Variants in CREBBP observed in about 807,000 individuals in gnomAD.
CREBBP encodes the protein CREB-binding protein.
Under a neutral mutation model 265.0 loss-of-function variants are expected in CREBBP, and 19 were observed. The ratio of observed to expected loss-of-function variants is 0.07; its 90% CI spans 0.05 to 0.11. The LOEUF (loss-of-function observed/expected upper bound fraction) is 0.11, where lower values mean the gene tolerates loss of function less well. Among genes scored for constraint, CREBBP ranks in the 10% least tolerant of loss-of-function variants. The pLI, the probability that CREBBP is intolerant of heterozygous loss-of-function variation, is 1.00. For missense variants in CREBBP, 2,525 were observed against 3,219.0 expected, an observed-to-expected ratio of 0.78 and a Z score of 5.22; for synonymous variants, 1,457 against 1,223.7, an observed-to-expected ratio of 1.19 and a Z score of -3.98.
rs184749085 is a variant in CREBBP at position 3,794,620 on chromosome 16, T to G, written c.976-994A>C. Among the ~76,000 whole-genome samples the G allele has an allele frequency of 4.7e-3, 717 of 152,342 alleles. 5 individuals carry two copies. Among genetic ancestry groups the G allele is most frequent in the Non-Finnish European group, 8.5e-3 (580 of 68,028 alleles). On this transcript the variant is annotated intron_variant, in intron 3 of 30. Transcript: ENST00000262367. ...ATTTCCACTCAGACAGCTGACAATT[T>G]TTAAAGATTTGGTGATCTGCTAAAA... is the stretch of plus-strand genomic sequence containing the variant.
In CREBBP at chr16:3,781,184, G is replaced by C. The variant is rs1567308246; in HGVS notation, c.1676+20C>G. ...CATGCTCCTGTTGGACTGTCACTCA[G>C]ATCTGAAACAGGGTCTTACTTTGTG... On this transcript the variant is annotated intron_variant, in intron 7 of 30. Coordinates refer to ENST00000262367, the MANE Select transcript of CREBBP (RefSeq NM_004380.3). 6.3e-7 allele frequency: 1 copy of C among 1,599,424 alleles called. No homozygotes were observed. Among genetic ancestry groups the C allele is most frequent in the Non-Finnish European group, 8.6e-7 (1 of 1,166,878 alleles).
chr16:3,834,977 T>A (rs914763599), intron 2 of CREBBP, among the ~76,000 whole-genome samples: 1 of 151,820 alleles, frequency 6.6e-6, no homozygotes, highest in African/African-American at 2.4e-5. Flanking sequence ...GCTAACACGG[T>A]GAAACCCCGT....
chr16:3,782,629 T>C (rs1261610282), intron 6 of CREBBP, 55 bp downstream of exon 6: 24 of 1,606,434 alleles, frequency 1.5e-5, no homozygotes, highest in Middle Eastern at 1.9e-4. Flanking sequence ...CATCACTCCA[T>C]TCCCTTTGCT....
Position 3,758,051 on chromosome 16 carries a change from TAAA to T in CREBBP, c.3370-6_3370-4del, listed in dbSNP as rs75459669. 5.5e-6 allele frequency: 8 copies of T among 1,445,170 alleles called. No homozygotes were observed. The highest frequency in any genetic ancestry group is 2.4e-5 in the East Asian group (1 of 42,532). The allele number at this position is 1,445,170 out of a possible 1,614,324, so 89.5% of individuals were successfully genotyped here. Reference sequence around the variant, plus strand: ...TTCTTTACGATGTCAAAATAGTCCTTAAAAAAAAAAAAATGGTCTCAGTATAGG... The same window carrying T: ...TTCTTTACGATGTCAAAATAGTCCTTAAAAAAAAAATGGTCTCAGTATAGG... On this transcript the variant is annotated splice_region_variant and splice_polypyrimidine_tract_variant and intron_variant, in intron 17 of 30. Coordinates refer to ENST00000262367, the MANE Select transcript of CREBBP (RefSeq NM_004380.3).
chr16:3,734,890 C>A (rs757747423), intron 28 of CREBBP, among the ~76,000 whole-genome samples: 1 of 152,172 alleles, frequency 6.6e-6, no homozygotes, highest in African/African-American at 2.4e-5. Context: ...GGCAGTATGT[C>A]CCCAGCCGGC....
At chr16:3,838,670 G>A (rs1444999270) in intron 2 of CREBBP, among the ~76,000 whole-genome samples, 1 of 152,142 alleles carries the variant, frequency 6.6e-6, no homozygotes, top group Admixed American at 6.5e-5. Context: ...TTACAGGCAA[G>A]ATTTTCTTTT....
chr16:3,849,422 T>TGTGTGTGTG (rs2054745707), intron 2 of CREBBP, among the ~76,000 whole-genome samples: 1 of 7,096 alleles, frequency 1.4e-4, no homozygotes, highest in Admixed American at 2.6e-3. Flanking sequence ...TGTGTGTGTG[T>TGTGTGTGTG]GTGTGTGTGT....
At position 3,850,700 on chromosome 16, in the gene CREBBP, C is replaced by G. The variant is rs983063124; in HGVS notation, c.395G>C (p.Ser132Thr). The stretch of plus-strand genomic sequence containing the variant: ...GGTGCTGGCTGCCTGTTTAGGCAGG[C>G]TGGGGGCTGAAGAATCTCCCTGGCT... ...PLSQGDSSAP[S>T]LPKQAASTSG... Residue 132 changes from serine (S) to threonine (T), a missense_variant, in exon 2 of 31, where the codon AGC becomes ACC. By Grantham distance (58) the Ser-to-Thr change is moderately conservative (BLOSUM62 1). Transcript: ENST00000262367. The G allele has an allele frequency of 1.2e-6, 2 of 1,614,096 alleles. No individual in the cohort carries two copies. The highest frequency in any genetic ancestry group is 1.3e-5 in the African/African-American group (1 of 75,064).
intron 1 of CREBBP, among the ~76,000 whole-genome samples, chr16:3,875,200 GCGACTTTCCAT>G (rs2055374374): frequency 6.6e-6 from 1 of 152,202 alleles, no homozygotes; most frequent in African/African-American, 2.4e-5. Flanking sequence ...TCAGCCAGGA[GCGACTTTCCAT>G]CTTCTGAAGG....
intron 2 of CREBBP, among the ~76,000 whole-genome samples, chr16:3,836,449 AG>A (rs2054454172): frequency 6.7e-6 from 1 of 150,126 alleles, no homozygotes; most frequent in Non-Finnish European, 1.5e-5. Context: ...AAAAAAAAAA[AG>A]AAAAAAAAGA....
chr16:3,767,063 G>A (rs1041540065), intron 16 of CREBBP, among the ~76,000 whole-genome samples: 3 of 152,062 alleles, frequency 2.0e-5, no homozygotes, highest in Admixed American at 1.3e-4. Flanking sequence ...CCATTTCTAA[G>A]GTTCACTTGA....
chr16:3,879,194 G>C (rs1257520082), intron 1 of CREBBP, among the ~76,000 whole-genome samples: 1 of 151,534 alleles, frequency 6.6e-6, no homozygotes, highest in East Asian at 1.9e-4. Context: ...TTTGGGTTTT[G>C]AAAAATGGAA....
chr16:3,877,611 C>T (rs1172700642), intron 1 of CREBBP, among the ~76,000 whole-genome samples: 3 of 152,220 alleles, frequency 2.0e-5, no homozygotes, highest in African/African-American at 7.2e-5. Context: ...CCCATGTTGG[C>T]CAGGCTGGTC....
chr16:3,760,877 A>T (rs574955758), intron 16 of CREBBP, among the ~76,000 whole-genome samples: 1 of 152,226 alleles, frequency 6.6e-6, no homozygotes, highest in South Asian at 2.1e-4. Flanking sequence ...GCCTCAAGTG[A>T]TTCTCCTGCC....
In CREBBP at chr16:3,727,685, A is replaced by G; in HGVS notation, c.*33T>C. The G allele has an allele frequency of 6.2e-7, 1 of 1,613,108 alleles. No individual in the cohort carries two copies. Among genetic ancestry groups the G allele is most frequent in the South Asian group, 1.1e-5 (1 of 91,042 alleles). On this transcript the variant is annotated 3_prime_UTR_variant, in exon 31 of 31. Coordinates refer to ENST00000262367, the MANE Select transcript of CREBBP (RefSeq NM_004380.3). The stretch of plus-strand genomic sequence containing the variant: ...GATTTTCAGTACAAAAGGTCCAAGA[A>G]CATGAAAGGGAAAAGGTGATGCTCT...
Position 3,728,993 on chromosome 16 carries a change from G to A in CREBBP, c.6054C>T (p.Pro2018=), listed in dbSNP as rs768626011. 23 of 1,594,890 alleles carry A rather than the reference G, an allele frequency of 1.4e-5. No individual in the cohort carries two copies. The highest frequency in any genetic ancestry group is 5.1e-5 in the Admixed American group (3 of 58,636). Residue 2018 remains proline (P), a synonymous_variant, in exon 31 of 31, where the codon CCC becomes CCT. Transcript: ENST00000262367. The surrounding 1 kb of genome is among the most constrained non-coding windows in gnomAD (Gnocchi z 8.7). ...GAAGGGGCGCCTGCTGCCACTGCCC[G>A]GGAGGCATGCTGGGCATGACGGGCC... ...VSGPVMPSMP[P]GQWQQAPLPQ...
intron 3 of CREBBP, among the ~76,000 whole-genome samples, chr16:3,794,759 A>G (rs1037147285): frequency 3.3e-5 from 5 of 152,344 alleles, no homozygotes; most frequent in African/African-American, 9.6e-5. Context: ...TTTACAAACT[A>G]TAAGCATTCT....
At chr16:3,870,528 A>G (rs1297472053) in intron 1 of CREBBP, among the ~76,000 whole-genome samples, 1 of 152,226 alleles carries the variant, frequency 6.6e-6, no homozygotes, top group African/African-American at 2.4e-5. Flanking sequence ...CCAATAAAAA[A>G]CAGTTGAACT....
Position 3,757,800 on chromosome 16 carries a change from A to G in CREBBP, c.3609+9T>C. ...AAAATTCACTTTCCGGAAAAACTTA[A>G]AACTGTACCTTGCGTCCACAGCAAT... On this transcript the variant is annotated intron_variant, in intron 18 of 30. Transcript: ENST00000262367. The G allele has an allele frequency of 1.9e-6, 3 of 1,613,978 alleles. No homozygotes were observed. The highest frequency in any genetic ancestry group is 1.1e-5 in the South Asian group (1 of 91,072).
Sources: allele counts gnomAD v4.1 joint callset (sites outside exome capture counted in the v4.1 genomes callset), GRCh38; gene constraint gnomAD v4.1.1; non-coding constraint Gnocchi (gnomAD v3.1); transcripts MANE v1.5; gene names NCBI Gene and HGNC (gene_info 2026-07-23, HGNC 2026-07-21).